Variants in CUL9 observed in about 807,000 individuals in gnomAD.
CUL9 encodes the protein cullin-9.
A neutral mutation model predicts 272.6 loss-of-function variants in CUL9; 79 were observed. The observed-to-expected ratio is 0.29, with a 90% CI of 0.24 to 0.35. The LOEUF (loss-of-function observed/expected upper bound fraction) is 0.35. CUL9 is among the 10% of genes least tolerant of loss of function. The probability of loss-of-function intolerance (pLI) is 1.00; values close to 1 mark genes in which losing one functional copy is unlikely to be tolerated. For synonymous variants in CUL9, 1,186 were observed against 1,286.5 expected (o/e 0.92, Z 1.67); for missense variants, 2,532 against 3,255.6 (o/e 0.78, Z 5.41).
At chr6:43,217,361 T>C (rs560123091) in intron 31 of CUL9, among the ~76,000 whole-genome samples, 1 of 152,186 alleles carries the variant, frequency 6.6e-6, no homozygotes, top group Admixed American at 6.5e-5. Context: ...TGCCTCAGGG[T>C]CTTCTTGCTC....
Position 43,187,238 on chromosome 6 carries a change from G to A in CUL9, c.1388-8G>A. 1 of 1,613,468 alleles carries A rather than the reference G, an allele frequency of 6.2e-7. No homozygotes were observed. Among genetic ancestry groups the A allele is most frequent in the Non-Finnish European group, 8.5e-7 (1 of 1,179,616 alleles). Reference sequence around the variant, plus strand: ...GGGTGCTGATGCCCGCCATGCCTGTGTCCTCAGCATTTCCCTCCTGGGACT... The same window carrying A: ...GGGTGCTGATGCCCGCCATGCCTGTATCCTCAGCATTTCCCTCCTGGGACT... On this transcript the variant is annotated splice_polypyrimidine_tract_variant and splice_region_variant and intron_variant, in intron 5 of 40. Coordinates refer to ENST00000252050, the MANE Select transcript of CUL9 (RefSeq NM_015089.4).
At position 43,212,594 on chromosome 6, in the gene CUL9, T is replaced by C. The variant is rs554100782; in HGVS notation, c.5213-555T>C. 3.9e-5 allele frequency among the ~76,000 whole-genome samples: 6 copies of C among 152,310 alleles called. No homozygotes were observed. The East Asian group carries it at 7.7e-4, about 20-fold the overall frequency. ...AAACCAATGAGGTCTTTTAAAAATA[T>C]ATCATTATGAACTCACAGATTTTAA... On this transcript the variant is annotated intron_variant, in intron 26 of 40. Coordinates refer to ENST00000252050, the MANE Select transcript of CUL9 (RefSeq NM_015089.4).
In CUL9 at chr6:43,187,871, C is replaced by T; in HGVS notation, c.1740C>T (p.Ser580=). The change falls in exon 7 of 41, where the codon AGC becomes AGT. Residue 580 remains serine (S), a synonymous_variant. Transcript: ENST00000252050. Reference sequence around the variant, plus strand: ...ATGGGCTGCTGTCTAATGAACCAAGCAGCTCGTCTACTTCACGAAATCACT... The same window carrying T: ...ATGGGCTGCTGTCTAATGAACCAAGTAGCTCGTCTACTTCACGAAATCACT... The part of the protein sequence containing the change: ...TKYGLLSNEP[S]SSSTSRNHSC... The T allele has an allele frequency of 6.2e-7, 1 of 1,614,112 alleles. No individual in the cohort carries two copies. The highest frequency in any genetic ancestry group is 8.5e-7 in the Non-Finnish European group (1 of 1,180,030).
chr6:43,210,258 G>A (rs1775370363), intron 26 of CUL9, among the ~76,000 whole-genome samples: 1 of 152,172 alleles, frequency 6.6e-6, no homozygotes, highest in African/African-American at 2.4e-5. Context: ...CTACAGGCGT[G>A]AGCCACCATG....
chr6:43,201,669 C>T (rs956069434), intron 16 of CUL9, among the ~76,000 whole-genome samples: 4 of 152,026 alleles, frequency 2.6e-5, no homozygotes, highest in South Asian at 2.1e-4. Context: ...TTAGTAGAGA[C>T]GGGGTTTCAC....
chr6:43,203,884 T>G lies in CUL9; in HGVS notation c.4056T>G (p.Asn1352Lys). The change falls in exon 20 of 41, where the codon AAT becomes AAG. Residue 1352 changes from asparagine (N) to lysine (K), a missense_variant. Coordinates refer to ENST00000252050, the MANE Select transcript of CUL9 (RefSeq NM_015089.4). This position sits in a 1 kb window ranked among gnomAD's most constrained non-coding sequence, Gnocchi z 5.0. Reference protein sequence around the residue: ...RLNRVLRHEQNFADRFLPDDE... With the variant: ...RLNRVLRHEQKFADRFLPDDE... ...ACAGGGTTTTGCGCCACGAGCAGAA[T>G]TTTGCTGACCGCTTCCTCCCTGATG... 6.2e-7 allele frequency: 1 copy of G among 1,613,306 alleles called. No individual in the cohort carries two copies. The highest frequency in any genetic ancestry group is 8.5e-7 in the Non-Finnish European group (1 of 1,179,482).
At chr6:43,193,876 T>C (rs557812951) in intron 9 of CUL9, among the ~76,000 whole-genome samples, 3 of 152,318 alleles carry the variant, frequency 2.0e-5, no homozygotes, top group African/African-American at 7.2e-5. Context: ...TTATTAGGTG[T>C]CTGGTTAAAA....
chr6:43,204,142 T>C, intron 20 of CUL9, 155 bp downstream of exon 20: 1 of 1,082,280 alleles, frequency 9.2e-7, no homozygotes, highest in Non-Finnish European at 1.3e-6. Context: ...CAGGCACTGC[T>C]CCCTGAGACT....
chr6:43,183,111 A>G (rs73736724), intron 1 of CUL9, among the ~76,000 whole-genome samples: 1 of 152,206 alleles, frequency 6.6e-6, no homozygotes, highest in African/African-American at 2.4e-5. Context: ...GTTCCAAACT[A>G]TGCAGACAGT....
chr6:43,195,579 A>G (rs942854602), intron 9 of CUL9, among the ~76,000 whole-genome samples: 10 of 152,210 alleles, frequency 6.6e-5, no homozygotes, highest in African/African-American at 1.4e-4. Context: ...CCTTGGGGCA[A>G]AGGAACACCA....
intron 16 of CUL9, among the ~76,000 whole-genome samples, chr6:43,201,038 A>T (rs1774482599): frequency 6.6e-6 from 1 of 152,234 alleles, no homozygotes; most frequent in Non-Finnish European, 1.5e-5. Context: ...CTGTACTCCA[A>T]CAGGTACAGA....
At chr6:43,190,929 T>C (rs1302203269) in intron 8 of CUL9, among the ~76,000 whole-genome samples, 2 of 152,136 alleles carry the variant, frequency 1.3e-5, no homozygotes, top group Admixed American at 1.3e-4. Context: ...TAGATCAGCA[T>C]TTCCACTGGC....
chr6:43,197,152 T>G (rs1434293552), intron 11 of CUL9, among the ~76,000 whole-genome samples: 1 of 152,042 alleles, frequency 6.6e-6, no homozygotes, highest in African/African-American at 2.4e-5. Context: ...GTTCAAGCAA[T>G]TCTCATGCCT....
At position 43,199,227 on chromosome 6, in the gene CUL9, T is replaced by C. The variant is rs780295222; in HGVS notation, c.3051-39T>C. Reference sequence around the variant, plus strand: ...CTGGGATTACAGGCATGAGCCACTGTGCCTGGCCTGACTTCACTCGTTTCT... The same window carrying C: ...CTGGGATTACAGGCATGAGCCACTGCGCCTGGCCTGACTTCACTCGTTTCT... On this transcript the variant is annotated intron_variant, in intron 12 of 40. Transcript: ENST00000252050. The surrounding 1 kb of genome is among the most constrained non-coding windows in gnomAD (Gnocchi z 4.4). The C allele has an allele frequency of 1.7e-5, 26 of 1,529,168 alleles. No homozygotes were observed. Among genetic ancestry groups the C allele is most frequent in the Non-Finnish European group, 2.4e-5 (26 of 1,104,424 alleles). 94.7% of individuals were successfully genotyped at this position (1,529,168 alleles called of 1,614,324 possible).
Position 43,218,729 on chromosome 6 carries a change from GAC to G in CUL9, c.6283-1728_6283-1727del, listed in dbSNP as rs1043402379. On this transcript the variant is annotated intron_variant, in intron 31 of 40. Coordinates refer to ENST00000252050, the MANE Select transcript of CUL9 (RefSeq NM_015089.4). This position sits in a 1 kb window ranked among gnomAD's most constrained non-coding sequence, Gnocchi z 4.4. Reference sequence around the variant, plus strand: ...TGGTGGGTTAAATGTAGGGGCTTCAGACAGGGGAATCAAGGATGGTTCCTGTG... The same window carrying G: ...TGGTGGGTTAAATGTAGGGGCTTCAGAGGGGAATCAAGGATGGTTCCTGTG... 3.9e-5 allele frequency among the ~76,000 whole-genome samples: 6 copies of G among 152,212 alleles called. No homozygotes were observed. The highest frequency in any genetic ancestry group is 5.9e-5 in the Non-Finnish European group (4 of 68,032).
intron 21 of CUL9, 40 bp from the exon 22 acceptor site, chr6:43,204,708 G>A: frequency 1.2e-6 from 2 of 1,608,736 alleles, no homozygotes; most frequent in Non-Finnish European, 1.7e-6. Flanking sequence ...TCACCCAGAG[G>A]CTGAGATGAA....
At position 43,222,772 on chromosome 6, in the gene CUL9, C is replaced by T. The variant is rs1776480894; in HGVS notation, c.7033-7C>T. ...GCAGGCGGGAGAGCTGATGGGAGCC[C>T]CTGCAGGTGCTGGCCTACGCCTGCG... On this transcript the variant is annotated splice_polypyrimidine_tract_variant and splice_region_variant and intron_variant, in intron 37 of 40. Coordinates refer to ENST00000252050, the MANE Select transcript of CUL9 (RefSeq NM_015089.4). 1.9e-6 allele frequency: 3 copies of T among 1,613,314 alleles called. No individual in the cohort carries two copies. Among genetic ancestry groups the T allele is most frequent in the Non-Finnish European group, 2.5e-6 (3 of 1,179,434 alleles).
chr6:43,191,252 T>C (rs1312867428), intron 8 of CUL9, among the ~76,000 whole-genome samples: 1 of 127,026 alleles, frequency 7.9e-6, no homozygotes, highest in African/African-American at 3.2e-5. Context: ...CTAAATTGCA[T>C]TGTGTGTGTG....
At position 43,200,772 on chromosome 6, in the gene CUL9, G is replaced by A. The variant is rs773614576; in HGVS notation, c.3585G>A (p.Glu1195=). Residue 1195 remains glutamate (E), a synonymous_variant, in exon 16 of 41, where the codon GAG becomes GAA. Coordinates refer to ENST00000252050, the MANE Select transcript of CUL9 (RefSeq NM_015089.4). This position sits in a 1 kb window ranked among gnomAD's most constrained non-coding sequence, Gnocchi z 4.0. ...LTDHNPKTYW[E]SNGSTGSHYI... is the part of the protein sequence containing the mutation. ...ACCACAACCCCAAGACCTACTGGGA[G>A]TCCAACGGCAGCACCGGCTCCCACT... The A allele has an allele frequency of 1.9e-6, 3 of 1,614,108 alleles. No individual in the cohort carries two copies. Among genetic ancestry groups the A allele is most frequent in the East Asian group, 4.5e-5 (2 of 44,898 alleles).
Sources: allele counts gnomAD v4.1 joint callset (sites outside exome capture counted in the v4.1 genomes callset), GRCh38; gene constraint gnomAD v4.1.1; non-coding constraint Gnocchi (gnomAD v3.1); transcripts MANE v1.5; gene names NCBI Gene and HGNC (gene_info 2026-07-23, HGNC 2026-07-21).